PLCH1: variants seen among roughly 807,000 people sequenced by gnomAD.
The protein encoded by PLCH1 is phospholipase C eta 1.
PLCH1 carries 60 observed loss-of-function variants against 126.7 expected under a neutral mutation model. The observed-to-expected ratio is 0.47, with a 90% CI of 0.38 to 0.59. PLCH1 has a LOEUF of 0.59. Ranked by LOEUF, PLCH1 falls within the 20% of genes least tolerant of loss-of-function variation. The pLI, the probability that PLCH1 is intolerant of heterozygous loss-of-function variation, is 0.00. For missense variants in PLCH1, 1,723 were observed against 2,040.0 expected, an observed-to-expected ratio of 0.84 and a Z score of 2.99; for synonymous variants, 719 against 734.9, an observed-to-expected ratio of 0.98 and a Z score of 0.35.
At chr3:155,529,914 G>C (rs1294680273) in intron 10 of PLCH1, among the ~76,000 whole-genome samples, 1 of 151,964 alleles carries the variant, frequency 6.6e-6, no homozygotes, top group Non-Finnish European at 1.5e-5. Context: ...TTACAGGCAT[G>C]CACCACCATG....
intron 1 of PLCH1, among the ~76,000 whole-genome samples, chr3:155,705,581 A>C (rs977039821): frequency 6.6e-6 from 1 of 152,226 alleles, no homozygotes; most frequent in African/African-American, 2.4e-5. Flanking sequence ...TTCTTTAGAA[A>C]GTATTTTTAG....
chr3:155,695,750 A>T (rs937420284), intron 2 of PLCH1, among the ~76,000 whole-genome samples: 2 of 152,246 alleles, frequency 1.3e-5, no homozygotes, highest in African/African-American at 4.8e-5. Context: ...GAGATCATAA[A>T]ACAGGACCTG....
At chr3:155,516,947 G>A (rs1293463429) in intron 11 of PLCH1, among the ~76,000 whole-genome samples, 3 of 152,104 alleles carry the variant, frequency 2.0e-5, no homozygotes, top group Admixed American at 6.5e-5. Context: ...CAGCCTTGGG[G>A]AATCGGGGGA....
chr3:155,524,992 G>A (rs1721710676), intron 10 of PLCH1, among the ~76,000 whole-genome samples: 3 of 152,054 alleles, frequency 2.0e-5, no homozygotes, highest in Admixed American at 2.0e-4. Context: ...ACTCCAGCCT[G>A]GGTGACAAAG....
chr3:155,471,713 T>G, intron 21 of PLCH1, among the ~76,000 whole-genome samples: 1 of 149,832 alleles, frequency 6.7e-6, no homozygotes. Context: ...AGAACAGAAA[T>G]TATAACAAAC....
At chr3:155,685,990 C>T (rs1198801286) in intron 2 of PLCH1, among the ~76,000 whole-genome samples, 2 of 152,130 alleles carry the variant, frequency 1.3e-5, no homozygotes, top group African/African-American at 4.8e-5. Context: ...GAAAAAACAT[C>T]TTTCAGAAAC....
intron 1 of PLCH1, among the ~76,000 whole-genome samples, chr3:155,723,761 C>T (rs1748119055): frequency 6.6e-6 from 1 of 152,048 alleles, no homozygotes; most frequent in African/African-American, 2.4e-5. Context: ...TGAGACCAGC[C>T]TGGCCAACAT....
At chr3:155,492,900 C>G (rs756461397) in intron 17 of PLCH1, 47 bp from the exon 18 acceptor site, 5 of 1,481,966 alleles carry the variant, frequency 3.4e-6, no homozygotes, top group Non-Finnish European at 4.5e-6. Flanking sequence ...GAAACACACA[C>G]GCATGCACAG....
chr3:155,670,441 T>G (rs1743293070), intron 2 of PLCH1, among the ~76,000 whole-genome samples: 1 of 152,200 alleles, frequency 6.6e-6, no homozygotes, highest in South Asian at 2.1e-4. Flanking sequence ...AAACCTTATG[T>G]AACACACATA....
intron 21 of PLCH1, chr3:155,486,000 C>T: frequency 1.6e-6 from 1 of 625,832 alleles, no homozygotes; most frequent in South Asian, 2.0e-5. Context: ...AGCTCATAGA[C>T]TGCTATGAAC....
intron 2 of PLCH1, among the ~76,000 whole-genome samples, chr3:155,661,533 C>T (rs1742145703): frequency 1.3e-5 from 2 of 152,168 alleles, no homozygotes; most frequent in Admixed American, 6.5e-5. Context: ...TCAGTGCCTT[C>T]ATTTCCTTCT....
chr3:155,744,554 A>C (rs956454472), intron 1 of PLCH1, among the ~76,000 whole-genome samples: 1 of 152,010 alleles, frequency 6.6e-6, no homozygotes, highest in Non-Finnish European at 1.5e-5. Flanking sequence ...ACCCACCACC[A>C]CCGCAAGGGA....
chr3:155,618,511 A>G lies in PLCH1; in HGVS notation c.80-22133T>C, dbSNP rs371721584. Among the ~76,000 whole-genome samples the G allele has an allele frequency of 4.6e-5, 7 of 152,338 alleles. No homozygotes were observed. In the South Asian group the frequency reaches 1.4e-3, roughly 32 times the overall value. On this transcript the variant is annotated intron_variant, in intron 2 of 22. Coordinates refer to ENST00000460012, the MANE Select transcript of PLCH1 (RefSeq NM_014996.4). Reference sequence around the variant, plus strand: ...AGAATGGAGCTCTCCATTCTTTAACAATAAAATTTCTACCATTAACATTTG... The same window carrying G: ...AGAATGGAGCTCTCCATTCTTTAACGATAAAATTTCTACCATTAACATTTG...
chr3:155,673,869 G>A (rs567197553), intron 2 of PLCH1, among the ~76,000 whole-genome samples: 2 of 152,274 alleles, frequency 1.3e-5, no homozygotes, highest in Admixed American at 1.3e-4. Context: ...CTAGGTCAAA[G>A]TGTATTTACT....
At chr3:155,691,038 T>C (rs1489393979) in intron 2 of PLCH1, among the ~76,000 whole-genome samples, 1 of 152,164 alleles carries the variant, frequency 6.6e-6, no homozygotes, top group Admixed American at 6.5e-5. Flanking sequence ...TCTAGTAGCC[T>C]TTGAAGAAAG....
chr3:155,686,831 G>A (rs969014881), intron 2 of PLCH1, among the ~76,000 whole-genome samples: 3 of 152,036 alleles, frequency 2.0e-5, no homozygotes, highest in Admixed American at 6.6e-5. Flanking sequence ...TCCCAGTTCT[G>A]AAAATTCTAT....
At position 155,600,618 on chromosome 3, in the gene PLCH1, A is replaced by AAAC. The variant is rs1553851865; in HGVS notation, c.80-4241_80-4240insGTT. On this transcript the variant is annotated intron_variant, in intron 2 of 22. Transcript: ENST00000460012. ...TAAGATAGCTAAAAAAAAAAAAAAA[A>AAAC]AAGTTTATTTGGATACAATGCAGCA... Among the ~76,000 whole-genome samples the AAAC allele has an allele frequency of 7.9e-5, 12 of 151,258 alleles. No individual in the cohort carries two copies. The East Asian group carries it at 1.2e-3, about 15-fold the overall frequency.
intron 2 of PLCH1, among the ~76,000 whole-genome samples, chr3:155,604,313 T>C (rs1478736971): frequency 6.6e-6 from 1 of 152,198 alleles, no homozygotes; most frequent in Non-Finnish European, 1.5e-5. Flanking sequence ...CAAACAACCA[T>C]GGAGTGATTC....
intron 1 of PLCH1, among the ~76,000 whole-genome samples, chr3:155,717,759 C>T (rs1271031323): frequency 1.3e-5 from 2 of 152,200 alleles, no homozygotes; most frequent in African/African-American, 2.4e-5. Context: ...GGGCTGCGGT[C>T]TTAGATATCT....
Sources: gnomAD v4.1 joint callset for allele counts (sites outside exome capture counted in the v4.1 genomes callset) on GRCh38, gnomAD v4.1.1 for gene constraint, MANE v1.5 for transcripts, NCBI Gene and HGNC (gene_info 2026-07-23, HGNC 2026-07-21) for gene names.